The following COL23A1 variants were observed in gnomAD, a reference collection of about 807,000 sequenced individuals.
The protein encoded by COL23A1 is collagen alpha-1(XXIII) chain.
A neutral mutation model predicts 99.3 loss-of-function variants in COL23A1; 97 were observed. That is an observed-to-expected ratio of 0.98 (90% CI 0.83 to 1.16). The LOEUF (loss-of-function observed/expected upper bound fraction) is 1.16. Among genes scored for constraint, COL23A1 ranks in the 50% most tolerant of loss-of-function variants. The probability of loss-of-function intolerance (pLI) is 0.00; values close to 1 mark genes in which losing one functional copy is unlikely to be tolerated. For missense variants in COL23A1, 762 were observed against 757.4 expected (o/e 1.01, Z -0.07); for synonymous variants, 320 against 308.2 (o/e 1.04, Z -0.40).
intron 2 of COL23A1, among the ~76,000 whole-genome samples, chr5:178,517,568 G>GTTTTTTT (rs70997606): frequency 1.1e-4 from 12 of 108,256 alleles, no homozygotes; most frequent in African/African-American, 3.1e-4. Context: ...TTTTTTTTTT[G>GTTTTTTT]TTTTTTTTTT....
intron 2 of COL23A1, among the ~76,000 whole-genome samples, chr5:178,425,900 C>T (rs1364649719): frequency 6.6e-6 from 1 of 152,230 alleles, no homozygotes; most frequent in Non-Finnish European, 1.5e-5. Flanking sequence ...CCATGGGGCT[C>T]AGAGGGCTGG....
Position 178,380,393 on chromosome 5 carries a change from TTGTG to T in COL23A1, c.362-73478_362-73475del, listed in dbSNP as rs112420315. ...ATCCTTGGATTTCTAGAGCATGCAT[TTGTG>T]TGTGTGTGTGTGTGTGTGTGTGTGT... On this transcript the variant is annotated intron_variant, in intron 2 of 28. Transcript: ENST00000390654. 6.6e-3 allele frequency among the ~76,000 whole-genome samples: 966 copies of T among 147,208 alleles called. 8 individuals carry two copies. Among genetic ancestry groups the T allele is most frequent in the African/African-American group, 0.02 (813 of 40,032 alleles).
intron 16 of COL23A1, among the ~76,000 whole-genome samples, chr5:178,254,605 C>T (rs1042178332): frequency 5.9e-5 from 9 of 152,220 alleles, no homozygotes; most frequent in African/African-American, 1.9e-4. Flanking sequence ...CATTAGGAGA[C>T]CTAGCCCTCC....
chr5:178,347,646 G>A (rs1314843342), intron 2 of COL23A1, among the ~76,000 whole-genome samples: 1 of 151,804 alleles, frequency 6.6e-6, no homozygotes, highest in Non-Finnish European at 1.5e-5. Context: ...CACTTTGGGA[G>A]CTGAGGCGGG....
chr5:178,421,150 C>T (rs778655692), intron 2 of COL23A1, among the ~76,000 whole-genome samples: 1 of 152,080 alleles, frequency 6.6e-6, no homozygotes, highest in Non-Finnish European at 1.5e-5. Context: ...CAGTGTAACC[C>T]AAACTGTTTT....
intron 2 of COL23A1, among the ~76,000 whole-genome samples, chr5:178,334,831 G>T (rs1268649051): frequency 6.6e-6 from 1 of 152,196 alleles, no homozygotes; most frequent in Non-Finnish European, 1.5e-5. Flanking sequence ...AATTTTACAG[G>T]TAAGATGACA....
chr5:178,561,621 C>T (rs770478561), intron 1 of COL23A1, among the ~76,000 whole-genome samples: 2 of 152,098 alleles, frequency 1.3e-5, no homozygotes, highest in Non-Finnish European at 1.5e-5. Context: ...GCCCAAATCC[C>T]AAAACTAGCC....
intron 2 of COL23A1, among the ~76,000 whole-genome samples, chr5:178,506,015 A>G (rs928254132): frequency 1.3e-5 from 2 of 152,192 alleles, no homozygotes; most frequent in African/African-American, 4.8e-5. Flanking sequence ...CCTTCAGACT[A>G]TAAATGAGGT....
chr5:178,416,864 T>G (rs1765340447), intron 2 of COL23A1, among the ~76,000 whole-genome samples: 1 of 151,612 alleles, frequency 6.6e-6, no homozygotes, highest in Admixed American at 6.6e-5. Context: ...GAGCTGAGGG[T>G]GAGGGCAGGC....
chr5:178,355,798 T>G (rs957364187), intron 2 of COL23A1, among the ~76,000 whole-genome samples: 1 of 152,200 alleles, frequency 6.6e-6, no homozygotes, highest in Non-Finnish European at 1.5e-5. Context: ...GAATTTTTTT[T>G]GATCTGTGTT....
chr5:178,425,788 G>A (rs894345543), intron 2 of COL23A1, among the ~76,000 whole-genome samples: 6 of 152,218 alleles, frequency 3.9e-5, no homozygotes, highest in African/African-American at 9.6e-5. Flanking sequence ...TCTGCTCTCG[G>A]CTTTTACTTG....
chr5:178,263,136 G>C (rs1765723712), intron 9 of COL23A1, 72 bp downstream of exon 9: 2 of 1,085,500 alleles, frequency 1.8e-6, no homozygotes, highest in African/African-American at 1.5e-5. Context: ...GATGGGGATG[G>C]GGCTGGCTCT....
At chr5:178,245,142 C>G (rs1306771878) in intron 25 of COL23A1, among the ~76,000 whole-genome samples, 1 of 149,362 alleles carries the variant, frequency 6.7e-6, no homozygotes, top group Non-Finnish European at 1.5e-5. Flanking sequence ...CACTCATCAT[C>G]TATCATCCAT....
chr5:178,325,468 C>T (rs550070668), intron 2 of COL23A1, among the ~76,000 whole-genome samples: 7 of 149,512 alleles, frequency 4.7e-5, no homozygotes, highest in Non-Finnish European at 8.9e-5. Flanking sequence ...CTACTCAAGT[C>T]TCCAACATCC....
chr5:178,317,276 T>C (rs761645249), intron 2 of COL23A1, among the ~76,000 whole-genome samples: 2 of 152,248 alleles, frequency 1.3e-5, no homozygotes, highest in African/African-American at 2.4e-5. Context: ...TGGACTCTAC[T>C]AACCTCATGT....
At chr5:178,466,739 G>A (rs537361834) in intron 2 of COL23A1, among the ~76,000 whole-genome samples, 1 of 152,356 alleles carries the variant, frequency 6.6e-6, no homozygotes, top group African/African-American at 2.4e-5. Context: ...GTGTCTGTAT[G>A]GGATCCATTA....
intron 2 of COL23A1, among the ~76,000 whole-genome samples, chr5:178,516,354 C>A (rs770778362): frequency 6.6e-6 from 1 of 152,258 alleles, no homozygotes; most frequent in South Asian, 2.1e-4. Flanking sequence ...CCCACCCGCA[C>A]CCAGCTCAGA....
At chr5:178,577,313 C>G (rs1763425428) in intron 1 of COL23A1, among the ~76,000 whole-genome samples, 1 of 152,214 alleles carries the variant, frequency 6.6e-6, no homozygotes, top group Admixed American at 6.5e-5. Context: ...GGGACACCAG[C>G]CCTGTTGGAT....
At position 178,482,544 on chromosome 5, in the gene COL23A1, A is replaced by C. The variant is rs184128297; in HGVS notation, c.361+78138T>G. Among the ~76,000 whole-genome samples, 175 of 152,314 alleles carry C rather than the reference A, an allele frequency of 1.1e-3. 1 individual carries two copies. The highest frequency in any genetic ancestry group is 3.9e-3 in the African/African-American group (164 of 41,576). ...TGAGATGGATGGTGGTGATGGCTGA[A>C]CAACAATGTGAATGCAGTTAATGCC... On this transcript the variant is annotated intron_variant, in intron 2 of 28. Coordinates refer to ENST00000390654, the MANE Select transcript of COL23A1 (RefSeq NM_173465.4).
Sources: gnomAD v4.1 joint callset for allele counts (sites outside exome capture counted in the v4.1 genomes callset) on GRCh38, gnomAD v4.1.1 for gene constraint, MANE v1.5 for transcripts, NCBI Gene and HGNC (gene_info 2026-07-23, HGNC 2026-07-21) for gene names.